The following UBL3 variants were observed in gnomAD, a reference collection of about 807,000 sequenced individuals.
The protein encoded by UBL3 is ubiquitin-like protein 3.
Under a neutral mutation model 18.4 loss-of-function variants are expected in UBL3, and 6 were observed. That is an observed-to-expected ratio of 0.33 (90% CI 0.18 to 0.64). UBL3 has a LOEUF of 0.64. UBL3 is among the 30% of genes least tolerant of loss of function. The probability of loss-of-function intolerance (pLI) is 0.76; values close to 1 mark genes in which losing one functional copy is unlikely to be tolerated. For synonymous variants in UBL3, 49 were observed against 46.6 expected, an observed-to-expected ratio of 1.05 and a Z score of -0.21; for missense variants, 109 against 142.9, an observed-to-expected ratio of 0.76 and a Z score of 1.21.
At chr13:29,839,925 TC>T (rs1879055257) in intron 1 of UBL3, among the ~76,000 whole-genome samples, 1 of 134,738 alleles carries the variant, frequency 7.4e-6, no homozygotes. Flanking sequence ...AGACTCCGTC[TC>T]GGGGGAAAAA....
rs200812081 is a variant in UBL3, at chr13:29,780,933, C to T, written c.28-3670G>A. On this transcript the variant is annotated intron_variant, in intron 1 of 4. Coordinates refer to ENST00000380680, the MANE Select transcript of UBL3 (RefSeq NM_007106.4). ...TCACGCCTGTAATCCCAGCACTTTG[C>T]GAGGCTGAGTCAAGTGGATCACCTG... 2.6e-5 allele frequency among the ~76,000 whole-genome samples: 4 copies of T among 152,120 alleles called. No individual in the cohort carries two copies. In the East Asian group the frequency reaches 5.8e-4, roughly 22 times the overall value.
chr13:29,822,255 A>G (rs1010153519), intron 1 of UBL3, among the ~76,000 whole-genome samples: 1 of 152,238 alleles, frequency 6.6e-6, no homozygotes, highest in Non-Finnish European at 1.5e-5. Flanking sequence ...ATTGAAATCT[A>G]AAGATTCTTT....
intron 1 of UBL3, among the ~76,000 whole-genome samples, chr13:29,848,989 C>A (rs895607952): frequency 5.3e-5 from 8 of 152,226 alleles, no homozygotes; most frequent in Admixed American, 3.9e-4. Flanking sequence ...CTGTTGCCAT[C>A]CGTATTCAGA....
intron 1 of UBL3, among the ~76,000 whole-genome samples, chr13:29,802,929 C>A (rs946151097): frequency 3.3e-5 from 5 of 152,136 alleles, no homozygotes; most frequent in African/African-American, 1.2e-4. Flanking sequence ...AAGAGGCCAA[C>A]ATTCAAATTC....
chr13:29,822,844 G>A (rs1878499498), intron 1 of UBL3, among the ~76,000 whole-genome samples: 1 of 146,934 alleles, frequency 6.8e-6, no homozygotes, highest in South Asian at 2.1e-4. Context: ...CACACAAAAG[G>A]GCACATAATT....
intron 1 of UBL3, among the ~76,000 whole-genome samples, chr13:29,840,093 T>A (rs76712979): frequency 6.6e-6 from 1 of 152,072 alleles, no homozygotes; most frequent in Non-Finnish European, 1.5e-5. Context: ...AAACAACATT[T>A]ATCTGAAAAT....
At chr13:29,844,960 C>A (rs1366291110) in intron 1 of UBL3, among the ~76,000 whole-genome samples, 1 of 151,794 alleles carries the variant, frequency 6.6e-6, no homozygotes, top group South Asian at 2.1e-4. Context: ...CTGTAAGTAA[C>A]GAAGACAGTA....
At chr13:29,771,787 T>C (rs1876847084) in intron 3 of UBL3, among the ~76,000 whole-genome samples, 1 of 150,466 alleles carries the variant, frequency 6.6e-6, no homozygotes, top group African/African-American at 2.4e-5. Flanking sequence ...CTAGTTTGTG[T>C]GTCCAGTCTT....
chr13:29,849,804 A>C lies in UBL3; in HGVS notation c.-266T>G. On this transcript the variant is annotated 5_prime_UTR_variant, in exon 1 of 5. It removes the in-frame stop codon of an upstream open reading frame in the 5' UTR. Transcript: ENST00000380680. ...AGCCCCCGTCGTCGTCGTCGTCGTC[A>C]ACAGCAGCAGCAGCCCCAGGACCGG... is the stretch of plus-strand genomic sequence containing the variant. The C allele has an allele frequency of 2.8e-5, 16 of 574,928 alleles. No homozygotes were observed. In the South Asian group the frequency reaches 3.3e-4, roughly 12 times the overall value. The allele number at this position is 574,928 out of a possible 1,614,324, so 35.6% of individuals were successfully genotyped here.
At chr13:29,819,420 G>T (rs185583417) in intron 1 of UBL3, among the ~76,000 whole-genome samples, 112 of 152,246 alleles carry the variant, frequency 7.4e-4, no homozygotes, top group African/African-American at 2.6e-3. Flanking sequence ...GAGTTCAAAA[G>T]AAACAGTTAC....
chr13:29,807,385 A>C (rs1346537195), intron 1 of UBL3, among the ~76,000 whole-genome samples: 1 of 152,298 alleles, frequency 6.6e-6, no homozygotes, highest in East Asian at 1.9e-4. Flanking sequence ...CTGCATAAGA[A>C]TCGAGACTGC....
intron 1 of UBL3, among the ~76,000 whole-genome samples, chr13:29,841,565 G>A (rs904504535): frequency 1.3e-5 from 2 of 152,144 alleles, no homozygotes; most frequent in South Asian, 2.1e-4. Flanking sequence ...AAAGATATAT[G>A]AAGTAGGTTT....
intron 3 of UBL3, among the ~76,000 whole-genome samples, chr13:29,769,870 T>C (rs1164486484): frequency 6.6e-6 from 1 of 152,096 alleles, no homozygotes; most frequent in South Asian, 2.1e-4. Flanking sequence ...ATGCCCAGGC[T>C]TCCTACTTTG....
At chr13:29,827,621 G>T (rs1157342949) in intron 1 of UBL3, among the ~76,000 whole-genome samples, 2 of 152,154 alleles carry the variant, frequency 1.3e-5, no homozygotes, top group African/African-American at 2.4e-5. Flanking sequence ...GATGGGTCTT[G>T]ACTCTTTATC....
rs1318628511 is a variant in UBL3, at chr13:29,777,228, T to C, written c.63A>G (p.Thr21=). The change falls in exon 2 of 5, where the codon ACA becomes ACG. Residue 21 remains threonine, a synonymous_variant. Coordinates refer to ENST00000380680, the MANE Select transcript of UBL3 (RefSeq NM_007106.4). ...NLRLILVSGK[T]KEFLFSPNDS... ...CGTTAGGAGAAAACAGGAACTCTTT[T>C]GTTTTTCCGCTTACCAAAATGAGGC... 2.5e-6 allele frequency: 4 copies of C among 1,610,468 alleles called. No homozygotes were observed. The East Asian group carries it at 8.9e-5, about 36-fold the overall frequency.
rs1435756709 is a variant in UBL3 at position 29,767,109 on chromosome 13, A to G, written c.*146T>C. Reference sequence around the variant, plus strand: ...CTTGGTTCTTTTTACTTTCATGAGAAAAGATGACAGTGTTCATGTGGTAAT... The same window carrying G: ...CTTGGTTCTTTTTACTTTCATGAGAGAAGATGACAGTGTTCATGTGGTAAT... On this transcript the variant is annotated 3_prime_UTR_variant, in exon 5 of 5. Transcript: ENST00000380680. 4.6e-6 allele frequency: 3 copies of G among 658,230 alleles called. No individual in the cohort carries two copies. Among genetic ancestry groups the G allele is most frequent in the Non-Finnish European group, 7.3e-6 (3 of 410,654 alleles). The allele number at this position is 658,230 out of a possible 1,614,324, so 40.8% of individuals were successfully genotyped here.
chr13:29,848,551 C>T (rs532620864), intron 1 of UBL3, among the ~76,000 whole-genome samples: 4 of 152,084 alleles, frequency 2.6e-5, no homozygotes, highest in Admixed American at 1.3e-4. Flanking sequence ...ACTGAATACA[C>T]AAACACTCAA....
At chr13:29,783,282 TAA>T (rs944700504) in intron 1 of UBL3, among the ~76,000 whole-genome samples, 7 of 152,254 alleles carry the variant, frequency 4.6e-5, no homozygotes, top group African/African-American at 1.7e-4. Context: ...AAATTAATTC[TAA>T]GTTACCGTAT....
intron 1 of UBL3, among the ~76,000 whole-genome samples, chr13:29,782,890 C>T (rs553365416): frequency 4.7e-4 from 71 of 152,314 alleles, no homozygotes; most frequent in Non-Finnish European, 9.3e-4. Context: ...CACAGCACTG[C>T]ACTGCTGAGT....
Sources: gnomAD v4.1 joint callset for allele counts (sites outside exome capture counted in the v4.1 genomes callset) on GRCh38, gnomAD v4.1.1 for gene constraint, MANE v1.5 for transcripts, NCBI Gene and HGNC (gene_info 2026-07-23, HGNC 2026-07-21) for gene names.